The following TENM3 variants were observed in gnomAD, a reference collection of about 807,000 sequenced individuals.
TENM3 encodes the protein teneurin transmembrane protein 3.
In TENM3, 63 loss-of-function variants were observed where a neutral mutation model predicts 255.1. The observed-to-expected ratio is 0.25, with a 90% CI of 0.20 to 0.30. The LOEUF is 0.30. Among genes scored for constraint, TENM3 ranks in the 10% least tolerant of loss-of-function variants. The probability of loss-of-function intolerance (pLI) is 1.00; values close to 1 mark genes in which losing one functional copy is unlikely to be tolerated. For missense variants in TENM3, 2,929 were observed against 3,461.1 expected (o/e 0.85, Z 3.86); for synonymous variants, 1,306 against 1,322.3 (o/e 0.99, Z 0.27).
intron 1 of TENM3, among the ~76,000 whole-genome samples, chr4:182,169,654 T>C (rs2149686967): frequency 6.6e-6 from 1 of 152,230 alleles, no homozygotes; most frequent in South Asian, 2.1e-4. Context: ...GTGTGAGATA[T>C]CTCTACTACA....
chr4:182,215,550 A>T (rs1200773295), intron 1 of TENM3, among the ~76,000 whole-genome samples: 1 of 152,192 alleles, frequency 6.6e-6, no homozygotes, highest in Non-Finnish European at 1.5e-5. Flanking sequence ...AAATCCTCTT[A>T]CGTTCATTTC....
At chr4:182,288,403 T>G (rs1414744956) in intron 1 of TENM3, among the ~76,000 whole-genome samples, 2 of 152,174 alleles carry the variant, frequency 1.3e-5, no homozygotes, top group African/African-American at 4.8e-5. Context: ...CCCCCATCCC[T>G]TCTGGAATTA....
chr4:182,290,054 C>T (rs955007000), intron 1 of TENM3, among the ~76,000 whole-genome samples: 1 of 152,170 alleles, frequency 6.6e-6, no homozygotes, highest in Admixed American at 6.5e-5. Context: ...GCCTCTCTGC[C>T]ATGCCCTTCC....
At chr4:181,600,789 T>C in the TENM3 span, among the ~76,000 whole-genome samples, 1 of 151,304 alleles carries the variant, frequency 6.6e-6, no homozygotes, top group Non-Finnish European at 1.5e-5. Flanking sequence ...TGCCTGTCAT[T>C]CTCATTAGCA....
the TENM3 span, among the ~76,000 whole-genome samples, chr4:181,843,543 AC>A: frequency 6.6e-6 from 1 of 152,174 alleles, no homozygotes; most frequent in African/African-American, 2.4e-5. Context: ...AGAATGAAGA[AC>A]TTTTTATGAA....
chr4:181,515,543 A>G, the TENM3 span, among the ~76,000 whole-genome samples: 63 of 152,102 alleles, frequency 4.1e-4, no homozygotes, highest in Admixed American at 1.4e-3. Context: ...TCGAGTCCCA[A>G]AAATGGTGAA....
At chr4:181,907,181 A>G in the TENM3 span, among the ~76,000 whole-genome samples, 3 of 152,222 alleles carry the variant, frequency 2.0e-5, no homozygotes, top group Non-Finnish European at 4.4e-5. Flanking sequence ...ATCAGAATGC[A>G]GATAGGTATT....
chr4:182,376,065 A>G (rs1767159325), intron 3 of TENM3, among the ~76,000 whole-genome samples: 1 of 152,188 alleles, frequency 6.6e-6, no homozygotes, highest in Admixed American at 6.5e-5. Flanking sequence ...TCTTGTCATT[A>G]TGTATTAAAA....
At chr4:181,542,476 G>T in the TENM3 span, among the ~76,000 whole-genome samples, 3 of 152,194 alleles carry the variant, frequency 2.0e-5, no homozygotes, top group Admixed American at 6.5e-5. Flanking sequence ...AGAATGAATT[G>T]TAGGAGAAGT....
At chr4:182,009,923 C>T in the TENM3 span, among the ~76,000 whole-genome samples, 2 of 122,622 alleles carry the variant, frequency 1.6e-5, no homozygotes, top group African/African-American at 2.9e-5. Flanking sequence ...GCCCACTCAC[C>T]GCCTCCCTTG....
chr4:182,275,883 G>A (rs890207256), intron 1 of TENM3, among the ~76,000 whole-genome samples: 1 of 152,218 alleles, frequency 6.6e-6, no homozygotes, highest in African/African-American at 2.4e-5. Context: ...TGAGGTTGCA[G>A]TGAGCCATGA....
chr4:182,623,444 A>G (rs1158802249), intron 4 of TENM3, among the ~76,000 whole-genome samples: 2 of 151,914 alleles, frequency 1.3e-5, no homozygotes, highest in African/African-American at 4.8e-5. Flanking sequence ...CTGGGATTAC[A>G]GGCCCCCGCC....
chr4:182,560,258 A>C (rs576747557), intron 3 of TENM3, among the ~76,000 whole-genome samples: 6 of 152,110 alleles, frequency 3.9e-5, no homozygotes, highest in Non-Finnish European at 5.9e-5. Context: ...TTATTTATTA[A>C]AAGACAAGGA....
In TENM3 at chr4:182,289,546, T is replaced by C. The variant is rs73005410; in HGVS notation, c.-75-34400T>C. Among the ~76,000 whole-genome samples, 275 of 152,366 alleles carry C rather than the reference T, an allele frequency of 1.8e-3. 3 individuals carry two copies. Among genetic ancestry groups the C allele is most frequent in the African/African-American group, 6.3e-3 (262 of 41,602 alleles). On this transcript the variant is annotated intron_variant, in intron 1 of 27. Coordinates refer to ENST00000511685, the MANE Select transcript of TENM3 (RefSeq NM_001080477.4). The stretch of plus-strand genomic sequence containing the variant: ...TGATTTATGTTATCCAATAAATCTT[T>C]AACTAAATCTTATTGAGGGAAACAT...
the TENM3 span, among the ~76,000 whole-genome samples, chr4:181,657,450 A>C: frequency 1.3e-5 from 2 of 152,178 alleles, no homozygotes; most frequent in African/African-American, 4.8e-5. Flanking sequence ...GAGAAATGCA[A>C]ATCAAAACCC....
chr4:181,821,718 C>T, the TENM3 span: 1 of 152,128 alleles, frequency 6.6e-6, no homozygotes, highest in Non-Finnish European at 1.5e-5. Flanking sequence ...TCTTGAGGGT[C>T]TACTATGTGT....
At chr4:181,742,292 A>T in the TENM3 span, among the ~76,000 whole-genome samples, 1 of 152,170 alleles carries the variant, frequency 6.6e-6, no homozygotes, top group Non-Finnish European at 1.5e-5. Context: ...TTAGAAAAAA[A>T]ATACAGAAAT....
chr4:182,127,600 A>C, the TENM3 span, among the ~76,000 whole-genome samples: 1 of 152,218 alleles, frequency 6.6e-6, no homozygotes, highest in South Asian at 2.1e-4. Flanking sequence ...AATTATGTGA[A>C]TTGTGGATTT....
the TENM3 span, among the ~76,000 whole-genome samples, chr4:181,744,633 C>A: frequency 2.0e-5 from 3 of 152,114 alleles, no homozygotes; most frequent in Admixed American, 2.0e-4. Flanking sequence ...TAGCTGGAGA[C>A]TATTGCAAAA....
Sources: gnomAD v4.1 joint callset for allele counts (sites outside exome capture counted in the v4.1 genomes callset) on GRCh38, gnomAD v4.1.1 for gene constraint, MANE v1.5 for transcripts, NCBI Gene and HGNC (gene_info 2026-07-23, HGNC 2026-07-21) for gene names.